The following GALNT17 variants were observed in gnomAD, a reference collection of about 807,000 sequenced individuals.
GALNT17 encodes polypeptide N-acetylgalactosaminyltransferase 17.
In GALNT17, 29 loss-of-function variants were observed where a neutral mutation model predicts 63.7. The observed-to-expected ratio is 0.46, with a 90% CI of 0.34 to 0.62. The LOEUF is 0.62. Among genes scored for constraint, GALNT17 ranks in the 20% least tolerant of loss-of-function variants. GALNT17 has a pLI of 0.01. For synonymous variants in GALNT17, 305 were observed against 318.3 expected (o/e 0.96, Z 0.45); for missense variants, 603 against 799.6 (o/e 0.75, Z 2.97).
intron 6 of GALNT17, among the ~76,000 whole-genome samples, chr7:71,663,868 C>T (rs1160880955): frequency 6.6e-6 from 1 of 152,150 alleles, no homozygotes; most frequent in Admixed American, 6.5e-5. Context: ...TTGGAATGAG[C>T]CTACCTGAGT....
intron 2 of GALNT17, among the ~76,000 whole-genome samples, chr7:71,366,321 C>T (rs895944389): frequency 4.6e-5 from 7 of 152,188 alleles, no homozygotes; most frequent in African/African-American, 1.7e-4. Flanking sequence ...CACGGTGGCT[C>T]ACACCTGTAC....
At chr7:71,707,810 A>G (rs562974170) in intron 9 of GALNT17, among the ~76,000 whole-genome samples, 1 of 152,314 alleles carries the variant, frequency 6.6e-6, no homozygotes, top group South Asian at 2.1e-4. Context: ...TACAAGGCTA[A>G]AAGTCTAGTC....
intron 1 of GALNT17, among the ~76,000 whole-genome samples, chr7:71,193,933 T>G (rs529858855): frequency 6.6e-6 from 1 of 152,326 alleles, no homozygotes; most frequent in African/African-American, 2.4e-5. Flanking sequence ...CTATACTGGT[T>G]TCTTGTATCG....
At chr7:71,436,286 A>T (rs1786962134) in intron 5 of GALNT17, among the ~76,000 whole-genome samples, 1 of 152,148 alleles carries the variant, frequency 6.6e-6, no homozygotes, top group South Asian at 2.1e-4. Context: ...GGCTGCAGTG[A>T]GCTGTAATCA....
intron 1 of GALNT17, among the ~76,000 whole-genome samples, chr7:71,164,337 CAGAG>C (rs1280221789): frequency 6.6e-6 from 1 of 152,152 alleles, no homozygotes; most frequent in African/African-American, 2.4e-5. Context: ...AAGCAGGAGA[CAGAG>C]AGAAGCAGGG....
chr7:71,711,026 G>C, intron 10 of GALNT17, 98 bp downstream of exon 10: 1 of 1,471,516 alleles, frequency 6.8e-7, no homozygotes, highest in East Asian at 2.5e-5. Flanking sequence ...CCAGCAAAGA[G>C]CGACCCCGAA....
intron 1 of GALNT17, among the ~76,000 whole-genome samples, chr7:71,190,197 G>A (rs1048026334): frequency 3.3e-5 from 5 of 152,292 alleles, no homozygotes; most frequent in Admixed American, 1.3e-4. Flanking sequence ...AGTTGCACAA[G>A]ATGGGCTTTG....
At chr7:71,229,510 T>C (rs1789748124) in intron 1 of GALNT17, among the ~76,000 whole-genome samples, 1 of 152,242 alleles carries the variant, frequency 6.6e-6, no homozygotes, top group Admixed American at 6.5e-5. Context: ...AGCTTGGCTC[T>C]CTGATAGCCG....
At chr7:71,326,115 G>T (rs749625360) in intron 1 of GALNT17, among the ~76,000 whole-genome samples, 3 of 151,774 alleles carry the variant, frequency 2.0e-5, no homozygotes, top group Non-Finnish European at 2.9e-5. Flanking sequence ...ACGTTTTATT[G>T]TGTTGCAGAA....
intron 6 of GALNT17, among the ~76,000 whole-genome samples, chr7:71,652,193 C>T (rs1334575751): frequency 2.0e-5 from 3 of 152,018 alleles, no homozygotes; most frequent in East Asian, 3.9e-4. Flanking sequence ...ATCTTAATTC[C>T]TCTTGCCAGT....
intron 5 of GALNT17, among the ~76,000 whole-genome samples, chr7:71,524,984 C>G (rs778449710): frequency 9.9e-5 from 15 of 152,140 alleles, no homozygotes; most frequent in Non-Finnish European, 2.2e-4. Flanking sequence ...TTCCTTGCCC[C>G]TTGTTTTGTT....
chr7:71,342,026 A>G (rs1345588735), intron 2 of GALNT17, among the ~76,000 whole-genome samples: 9 of 152,208 alleles, frequency 5.9e-5, no homozygotes, highest in South Asian at 4.1e-4. Flanking sequence ...TTGTGACTAC[A>G]TTAAGATTTT....
chr7:71,527,533 C>G (rs1442268373), intron 5 of GALNT17, among the ~76,000 whole-genome samples: 1 of 152,156 alleles, frequency 6.6e-6, no homozygotes, highest in Non-Finnish European at 1.5e-5. Context: ...CAGGCTGGCA[C>G]GGAAGGCTCA....
chr7:71,592,038 G>A (rs1252043809), intron 6 of GALNT17, among the ~76,000 whole-genome samples: 3 of 152,204 alleles, frequency 2.0e-5, no homozygotes, highest in Non-Finnish European at 4.4e-5. Flanking sequence ...TCTGTCAGTT[G>A]CCTGTGGTGC....
At chr7:71,389,462 T>A (rs73360172) in intron 3 of GALNT17, among the ~76,000 whole-genome samples, 4 of 151,952 alleles carry the variant, frequency 2.6e-5, no homozygotes, top group African/African-American at 7.3e-5. Flanking sequence ...GAGAATCTAA[T>A]GTCTGATGAT....
At chr7:71,525,292 C>T (rs1323223168) in intron 5 of GALNT17, among the ~76,000 whole-genome samples, 1 of 152,162 alleles carries the variant, frequency 6.6e-6, no homozygotes, top group Non-Finnish European at 1.5e-5. Flanking sequence ...TCTCCTGCCT[C>T]AGCCTCCCAA....
At chr7:71,657,834 A>G (rs1473991111) in intron 6 of GALNT17, among the ~76,000 whole-genome samples, 3 of 150,550 alleles carry the variant, frequency 2.0e-5, no homozygotes, top group Non-Finnish European at 3.0e-5. Flanking sequence ...AGGTGTTTGC[A>G]ATTTTATTTC....
chr7:71,213,963 G>A (rs17142901), intron 1 of GALNT17, among the ~76,000 whole-genome samples: 11,753 of 152,150 alleles, frequency 0.077, 674 homozygotes, highest in East Asian at 0.2. Flanking sequence ...AACTACTTAC[G>A]TCAGTCCAGC....
At chr7:71,516,032 C>T (rs1022415024) in intron 5 of GALNT17, among the ~76,000 whole-genome samples, 1 of 152,102 alleles carries the variant, frequency 6.6e-6, no homozygotes, top group Non-Finnish European at 1.5e-5. Context: ...ATGCATTTAT[C>T]TTGCAATCGG....
Sources: allele counts gnomAD v4.1 joint callset (sites outside exome capture counted in the v4.1 genomes callset), GRCh38; gene constraint gnomAD v4.1.1; transcripts MANE v1.5; gene names NCBI Gene and HGNC (gene_info 2026-07-23, HGNC 2026-07-21).